Variants in GPC5 observed in about 807,000 individuals in gnomAD.
GPC5 encodes the protein glypican-5.
Under a neutral mutation model 53.9 loss-of-function variants are expected in GPC5, and 47 were observed. The observed-to-expected ratio is 0.87, with a 90% CI of 0.69 to 1.11. The LOEUF (loss-of-function observed/expected upper bound fraction) is 1.11, where lower values mean the gene tolerates loss of function less well. GPC5 is among the 50% of genes most tolerant of loss of function. GPC5 has a pLI of 0.00. For synonymous variants in GPC5, 286 were observed against 263.3 expected (o/e 1.09, Z -0.84); for missense variants, 748 against 713.1 (o/e 1.05, Z -0.56).
At chr13:91,970,053 G>T (rs1428184629) in intron 6 of GPC5, among the ~76,000 whole-genome samples, 2 of 152,112 alleles carry the variant, frequency 1.3e-5, no homozygotes, top group Non-Finnish European at 2.9e-5. Flanking sequence ...AAGAAAATGT[G>T]CTAGATACAC....
rs1228813266 is a variant in GPC5 at position 92,086,653 on chromosome 13, C to T, written c.1402-58177C>T. Among the ~76,000 whole-genome samples the T allele has an allele frequency of 8.0e-5, 12 of 149,536 alleles. No homozygotes were observed. The East Asian group carries it at 1.4e-3, about 17-fold the overall frequency. ...ATTTACCAAACCTGTCTCTCTCTCTCTTTTTTTTTTCTTTCTTTCTTTTGA... is the reference window on the plus strand; with the variant it reads ...ATTTACCAAACCTGTCTCTCTCTCTTTTTTTTTTTTCTTTCTTTCTTTTGA... On this transcript the variant is annotated intron_variant, in intron 6 of 7. Coordinates refer to ENST00000377067, the MANE Select transcript of GPC5 (RefSeq NM_004466.6).
intron 7 of GPC5, among the ~76,000 whole-genome samples, chr13:92,766,506 A>G (rs1875411789): frequency 6.6e-6 from 1 of 152,208 alleles, no homozygotes; most frequent in South Asian, 2.1e-4. Context: ...TGTTGGGGGA[A>G]AAGACTTAAA....
At chr13:92,580,219 T>C (rs1338432878) in intron 7 of GPC5, among the ~76,000 whole-genome samples, 1 of 152,194 alleles carries the variant, frequency 6.6e-6, no homozygotes, top group African/African-American at 2.4e-5. Context: ...AAGAATCGAA[T>C]GACCCATGTT....
intron 7 of GPC5, among the ~76,000 whole-genome samples, chr13:92,323,367 T>C (rs2043228672): frequency 6.6e-6 from 1 of 150,550 alleles, no homozygotes; most frequent in African/African-American, 2.4e-5. Context: ...GATACATATA[T>C]ATATATGTTG....
rs767615537 is a variant in GPC5 at position 91,580,111 on chromosome 13, C to T, written c.326-113076C>T. On this transcript the variant is annotated intron_variant, in intron 2 of 7. Transcript: ENST00000377067. Reference sequence around the variant, plus strand: ...TGTCACCCAGGCTGGAGTCCAGTGGCGCAATCGCGGCTCACTGCAAGCTCC... The same window carrying T: ...TGTCACCCAGGCTGGAGTCCAGTGGTGCAATCGCGGCTCACTGCAAGCTCC... 8.5e-5 allele frequency among the ~76,000 whole-genome samples: 13 copies of T among 152,148 alleles called. 1 individual carries two copies.
chr13:91,820,686 G>A (rs1313679090), intron 5 of GPC5, among the ~76,000 whole-genome samples: 3 of 152,250 alleles, frequency 2.0e-5, no homozygotes, highest in East Asian at 1.9e-4. Context: ...TTCCAGGGCC[G>A]GGCGCGGTGG....
intron 5 of GPC5, among the ~76,000 whole-genome samples, chr13:91,762,678 T>C (rs1488056182): frequency 6.6e-6 from 1 of 151,978 alleles, no homozygotes; most frequent in East Asian, 1.9e-4. Context: ...TTATCATACC[T>C]ATAGCCTATC....
chr13:91,859,682 A>C (rs2039005043), intron 5 of GPC5, among the ~76,000 whole-genome samples: 1 of 151,686 alleles, frequency 6.6e-6, no homozygotes. Context: ...AACTTTCTTG[A>C]TGTTTTCAAA....
chr13:92,429,903 T>G (rs891614564), intron 7 of GPC5, among the ~76,000 whole-genome samples: 1 of 152,122 alleles, frequency 6.6e-6, no homozygotes, highest in African/African-American at 2.4e-5. Flanking sequence ...TCAAGAGATC[T>G]ATTGTACAAC....
intron 7 of GPC5, among the ~76,000 whole-genome samples, chr13:92,755,945 A>G (rs1874840895): frequency 6.6e-6 from 1 of 151,288 alleles, no homozygotes; most frequent in African/African-American, 2.4e-5. Context: ...ATTCCAATCA[A>G]TAGGAAAAGA....
chr13:92,243,195 T>C (rs1299190866), intron 7 of GPC5, among the ~76,000 whole-genome samples: 1 of 152,198 alleles, frequency 6.6e-6, no homozygotes, highest in Non-Finnish European at 1.5e-5. Flanking sequence ...TCAAAACATT[T>C]CTCACAGACT....
intron 7 of GPC5, among the ~76,000 whole-genome samples, chr13:92,514,392 T>C (rs1880691791): frequency 6.6e-6 from 1 of 152,048 alleles, no homozygotes; most frequent in South Asian, 2.1e-4. Context: ...CCCAGGGAAA[T>C]TTAGAAGTCC....
chr13:92,069,426 G>A (rs1221151379), intron 6 of GPC5, among the ~76,000 whole-genome samples: 7 of 151,668 alleles, frequency 4.6e-5, no homozygotes, highest in Non-Finnish European at 1.0e-4. Context: ...GTGTGTGTGT[G>A]TGTGTGTGTG....
At chr13:92,291,667 C>G (rs7993820) in intron 7 of GPC5, among the ~76,000 whole-genome samples, 18 of 152,228 alleles carry the variant, frequency 1.2e-4, no homozygotes, top group East Asian at 5.8e-4. Flanking sequence ...TCCACAATGT[C>G]GAAGCTTTGT....
At chr13:91,647,070 C>CGTGTGTGT (rs66824666) in intron 2 of GPC5, among the ~76,000 whole-genome samples, 1 of 144,030 alleles carries the variant, frequency 6.9e-6, no homozygotes, top group Non-Finnish European at 1.5e-5. Flanking sequence ...TATATATATG[C>CGTGTGTGT]GTGTGTGTGT....
intron 7 of GPC5, among the ~76,000 whole-genome samples, chr13:92,472,364 T>C (rs906198356): frequency 3.9e-5 from 6 of 152,140 alleles, no homozygotes; most frequent in African/African-American, 1.2e-4. Context: ...CCTGGTCTGC[T>C]GGAGATTGTA....
At chr13:91,969,022 G>T (rs1366133641) in intron 6 of GPC5, among the ~76,000 whole-genome samples, 4 of 151,446 alleles carry the variant, frequency 2.6e-5, no homozygotes, top group African/African-American at 9.7e-5. Context: ...AGGCTGGATT[G>T]CAGTGGTGTG....
At chr13:92,587,414 C>G (rs1160202224) in intron 7 of GPC5, among the ~76,000 whole-genome samples, 1 of 152,130 alleles carries the variant, frequency 6.6e-6, no homozygotes, top group Non-Finnish European at 1.5e-5. Flanking sequence ...TCAAGGTTTA[C>G]AAGTAAATGT....
At chr13:91,558,610 A>G (rs1223713159) in intron 2 of GPC5, among the ~76,000 whole-genome samples, 1 of 151,994 alleles carries the variant, frequency 6.6e-6, no homozygotes, top group Non-Finnish European at 1.5e-5. Context: ...ATCCAGTGAC[A>G]CTCATCCCTG....
Sources: allele counts gnomAD v4.1 joint callset (sites outside exome capture counted in the v4.1 genomes callset), GRCh38; gene constraint gnomAD v4.1.1; transcripts MANE v1.5; gene names NCBI Gene and HGNC (gene_info 2026-07-23, HGNC 2026-07-21).